The following STK11 variants were observed in gnomAD, a reference collection of about 807,000 sequenced individuals.
STK11 encodes the protein serine/threonine-protein kinase STK11.
In STK11, 8 loss-of-function variants were observed where a neutral mutation model predicts 47.3. The observed-to-expected ratio is 0.17, with a 90% confidence interval of 0.10 to 0.31. The LOEUF (loss-of-function observed/expected upper bound fraction) is 0.31, where lower values mean the gene tolerates loss of function less well. Among genes scored for constraint, STK11 ranks in the 10% least tolerant of loss-of-function variants. The pLI, the probability that STK11 is intolerant of heterozygous loss-of-function variation, is 1.00. For synonymous variants in STK11, 330 were observed against 255.8 expected, an observed-to-expected ratio of 1.29 and a Z score of -2.77; for missense variants, 475 against 605.0, an observed-to-expected ratio of 0.79 and a Z score of 2.25.
chr19:1,228,402 T>A lies in STK11; in HGVS notation c.*826T>A, dbSNP rs2080845226. The A allele has an allele frequency of 4.4e-6, 1 of 227,446 alleles. No individual in the cohort carries two copies. Among genetic ancestry groups the A allele is most frequent in the African/African-American group, 2.2e-5 (1 of 44,948 alleles). 14.1% of individuals were successfully genotyped at this position (227,446 alleles called of 1,614,324 possible). A position where few individuals can be genotyped will look rare whatever the true frequency, so the allele number is the denominator to read the frequency against. ...CCGTGCGGGCGAGGCCGCCCAAATT[T>A]GGCAATAAATAAAGCTTGGGAAGCT... On this transcript the variant is annotated 3_prime_UTR_variant, in exon 10 of 10. Transcript: ENST00000326873.
At chr19:1,214,335 C>T (rs76100516) in intron 1 of STK11, among the ~76,000 whole-genome samples, 2,145 of 152,310 alleles carry the variant, frequency 0.014, 46 homozygotes, top group African/African-American at 0.049. Context: ...ATGCCTTGGT[C>T]CCTTTTAATT....
chr19:1,221,601 G>C (rs557815767), intron 6 of STK11: 9 of 600,142 alleles, frequency 1.5e-5, no homozygotes, highest in Non-Finnish European at 2.6e-5. Flanking sequence ...CCCCACCCTC[G>C]GGGGCTCCCT....
At position 1,223,280 on chromosome 19, in the gene STK11, G is replaced by A. The variant is rs554234907; in HGVS notation, c.1108+108G>A. On this transcript the variant is annotated intron_variant, in intron 8 of 9. Coordinates refer to ENST00000326873, the MANE Select transcript of STK11 (RefSeq NM_000455.5). ...CAAGGACAGCTTCTGCCCTCTGGTG[G>A]CCAATCCCACGTCCCCAAAGCCTCC... The A allele has an allele frequency of 3.0e-6, 4 of 1,336,024 alleles. No homozygotes were observed. The African/African-American group carries it at 4.3e-5, about 14-fold the overall frequency. 82.8% of individuals were successfully genotyped at this position (1,336,024 alleles called of 1,614,324 possible).
At chr19:1,224,985 T>C (rs1443135577) in intron 8 of STK11, 2 of 985,500 alleles carry the variant, frequency 2.0e-6, no homozygotes, top group Non-Finnish European at 2.4e-6. Flanking sequence ...CTCTGCGCTC[T>C]GCCGGGGCTG....
At chr19:1,211,752 G>A (rs1354297433) in intron 1 of STK11, among the ~76,000 whole-genome samples, 1 of 152,240 alleles carries the variant, frequency 6.6e-6, no homozygotes, top group Admixed American at 6.5e-5. Context: ...TCTCCCATCC[G>A]CACCGCCCCC....
intron 8 of STK11, 90 bp downstream of exon 8, chr19:1,223,262 A>G: frequency 2.1e-6 from 3 of 1,452,484 alleles, no homozygotes; most frequent in Non-Finnish European, 2.8e-6. Flanking sequence ...CAACAAGGAC[A>G]GCTTCTGCCC....
At chr19:1,221,832 C>T in intron 6 of STK11, 117 bp from the exon 7 acceptor site, 5 of 1,264,296 alleles carry the variant, frequency 4.0e-6, no homozygotes, top group Non-Finnish European at 5.6e-6. Flanking sequence ...CGGGGTCCCC[C>T]TTAGGAGCGT....
At chr19:1,223,708 T>C in intron 8 of STK11, 1 of 1,042,022 alleles carries the variant, frequency 9.6e-7, no homozygotes, top group South Asian at 4.5e-5. Context: ...GCTCAGACCT[T>C]TCAGGAGAGG....
intron 1 of STK11, among the ~76,000 whole-genome samples, chr19:1,208,745 G>A (rs887128195): frequency 7.0e-6 from 1 of 142,014 alleles, no homozygotes. Flanking sequence ...AGCCTCCCGA[G>A]TAGCTGGGAT....
At chr19:1,225,663 C>T (rs1015332400) in intron 8 of STK11, 8 of 985,420 alleles carry the variant, frequency 8.1e-6, no homozygotes, top group Non-Finnish European at 9.6e-6. Flanking sequence ...GGTCCATTCT[C>T]GGAGCTGGGG....
intron 3 of STK11, 162 bp from the exon 4 acceptor site, chr19:1,220,211 G>T (rs750047222): frequency 3.1e-5 from 29 of 946,088 alleles, no homozygotes; most frequent in Non-Finnish European, 3.8e-5. Context: ...CGCAGGTGTG[G>T]CTCCCTGCTG....
chr19:1,219,153 C>T (rs1383669303), intron 2 of STK11, among the ~76,000 whole-genome samples, 171 bp from the exon 3 acceptor site: 8 of 152,114 alleles, frequency 5.3e-5, no homozygotes, highest in African/African-American at 7.2e-5. Context: ...TCCTGGGACG[C>T]TGGGGCCCCT....
At chr19:1,224,287 G>T (rs35004890) in intron 8 of STK11, 214,679 of 985,202 alleles carry the variant, frequency 0.22, 24,325 homozygotes, top group East Asian at 0.32. Flanking sequence ...GGATCACAGG[G>T]TCTCAGCTCC....
In STK11 at chr19:1,227,983, GC is replaced by G. The variant is rs1375579898; in HGVS notation, c.*409del. Reference sequence around the variant, plus strand: ...GTGTGGAGACCAGGCTCCTGACCCCGCCATGCATGCAGCGCCACCTGGAAGC... The same window carrying G: ...GTGTGGAGACCAGGCTCCTGACCCCGCATGCATGCAGCGCCACCTGGAAGC... On this transcript the variant is annotated 3_prime_UTR_variant, in exon 10 of 10. Coordinates refer to ENST00000326873, the MANE Select transcript of STK11 (RefSeq NM_000455.5). The G allele has an allele frequency of 9.9e-5, 106 of 1,068,628 alleles. No individual in the cohort carries two copies. Among genetic ancestry groups the G allele is most frequent in the Non-Finnish European group, 1.2e-4 (105 of 881,380 alleles). The allele number at this position is 1,068,628 out of a possible 1,614,324, so 66.2% of individuals were successfully genotyped here. A position where few individuals can be genotyped will look rare whatever the true frequency, so the allele number is the denominator to read the frequency against.
chr19:1,224,408 G>T, intron 8 of STK11: 1 of 985,472 alleles, frequency 1.0e-6, no homozygotes, highest in African/African-American at 1.7e-5. Context: ...GGCCCCTCAT[G>T]GTGCCCATCC....
intron 8 of STK11, chr19:1,223,772 C>G: frequency 9.6e-7 from 1 of 1,037,942 alleles, no homozygotes; most frequent in Non-Finnish European, 1.2e-6. Context: ...AGGGCCTTAG[C>G]GTAGGGGCGG....
chr19:1,226,656 G>T lies in STK11; in HGVS notation c.*9G>T, dbSNP rs1057522868. ...CCTGCAAGCAGCAGTGAGGCTGGCC[G>T]CCTGCAGGTGGGGCGCGGCGGGGCC... On this transcript the variant is annotated 3_prime_UTR_variant, in exon 9 of 10. Transcript: ENST00000326873. The T allele has an allele frequency of 2.0e-6, 3 of 1,511,594 alleles. No individual in the cohort carries two copies. Among genetic ancestry groups the T allele is most frequent in the Non-Finnish European group, 2.6e-6 (3 of 1,132,228 alleles). The allele number at this position is 1,511,594 out of a possible 1,614,324, so 93.6% of individuals were successfully genotyped here.
At chr19:1,218,031 C>T (rs1243102951) in intron 1 of STK11, among the ~76,000 whole-genome samples, 1 of 152,100 alleles carries the variant, frequency 6.6e-6, no homozygotes, top group East Asian at 1.9e-4. Flanking sequence ...GTAGTCCCAG[C>T]TACTCGGGAG....
At chr19:1,221,188 T>C (rs2145426576) in intron 5 of STK11, 25 bp from the exon 6 acceptor site, 1 of 1,610,734 alleles carries the variant, frequency 6.2e-7, no homozygotes, top group African/African-American at 1.3e-5. Context: ...TGACCACGCC[T>C]TTCTTCCCTC....
Sources: gnomAD v4.1 joint callset for allele counts (sites outside exome capture counted in the v4.1 genomes callset) on GRCh38, gnomAD v4.1.1 for gene constraint, MANE v1.5 for transcripts, NCBI Gene and HGNC (gene_info 2026-07-23, HGNC 2026-07-21) for gene names.